The following FBXO31 variants were observed in gnomAD, a reference collection of about 807,000 sequenced individuals.
The protein encoded by FBXO31 is F-box protein 31.
Under a neutral mutation model 54.4 loss-of-function variants are expected in FBXO31, and 24 were observed. That is an observed-to-expected ratio of 0.44 (90% CI 0.32 to 0.62). The LOEUF (loss-of-function observed/expected upper bound fraction) is 0.62. FBXO31 is among the 20% of genes least tolerant of loss of function. FBXO31 has a pLI of 0.05. For synonymous variants in FBXO31, 388 were observed against 335.6 expected, an observed-to-expected ratio of 1.16 and a Z score of -1.71; for missense variants, 665 against 787.1, an observed-to-expected ratio of 0.84 and a Z score of 1.86.
chr16:87,382,672 C>G (rs752245715), intron 1 of FBXO31, among the ~76,000 whole-genome samples: 62 of 152,336 alleles, frequency 4.1e-4, no homozygotes, highest in Middle Eastern at 3.4e-3. Flanking sequence ...CACTCTGTCG[C>G]CTAGGGTGGA....
At chr16:87,384,581 G>C (rs969725749), upstream of FBXO31, among the ~76,000 whole-genome samples, 6 of 152,210 alleles carry the variant, frequency 3.9e-5, no homozygotes, top group African/African-American at 1.4e-4. Context: ...CCAGGTCCGC[G>C]GGTGGTGACC....
rs117349789 is a variant in FBXO31, at chr16:87,341,936, G to A, written c.732+941C>T. On this transcript the variant is annotated intron_variant, in intron 5 of 8. Coordinates refer to ENST00000311635, the MANE Select transcript of FBXO31 (RefSeq NM_024735.5). ...GCTAAGAAAAGCACACCCTGGCCGC[G>A]CGCGATGGCTCACACCTGCAATCCC... Among the ~76,000 whole-genome samples the A allele has an allele frequency of 2.3e-3, 351 of 152,122 alleles. 1 individual carries two copies. Among genetic ancestry groups the A allele is most frequent in the East Asian group, 0.013 (64 of 5,120 alleles).
At chr16:87,389,370 C>T (rs61365887) in intron 1 of FBXO31, among the ~76,000 whole-genome samples, 1 of 152,130 alleles carries the variant, frequency 6.6e-6, no homozygotes. Context: ...CGCAGAGTAA[C>T]CCTGGCCCAT....
intron 1 of FBXO31, among the ~76,000 whole-genome samples, chr16:87,377,974 C>G (rs111611648): frequency 6.6e-6 from 1 of 151,748 alleles, no homozygotes; most frequent in African/African-American, 2.4e-5. Flanking sequence ...CCTGACCAAC[C>G]TGGAGAAACC....
upstream of FBXO31, among the ~76,000 whole-genome samples, chr16:87,386,510 G>A (rs1423561515): frequency 1.3e-5 from 2 of 152,320 alleles, no homozygotes; most frequent in African/African-American, 4.8e-5. Context: ...TCAGCTCACT[G>A]CAGCCCCCGC....
intron 1 of FBXO31, among the ~76,000 whole-genome samples, chr16:87,366,705 G>A (rs945681785): frequency 2.6e-5 from 4 of 152,196 alleles, no homozygotes; most frequent in African/African-American, 9.7e-5. Context: ...TGATGAAAGA[G>A]CTCCAGCCAA....
rs534592434 is a variant in FBXO31, at chr16:87,343,413, C to T, written c.657+185G>A. Among the ~76,000 whole-genome samples the T allele has an allele frequency of 6.6e-5, 10 of 152,374 alleles. 1 individual carries two copies. Among genetic ancestry groups the T allele is most frequent in the South Asian group, 6.2e-4 (3 of 4,832 alleles). The stretch of plus-strand genomic sequence containing the variant: ...AATCAAGAGGGGTCCAGCAAGTGAC[C>T]GCTGCAGAGTCCACTGCGCCACGGA... On this transcript the variant is annotated intron_variant, in intron 4 of 8. Transcript: ENST00000311635.
At position 87,334,082 on chromosome 16, in the gene FBXO31, G is replaced by A; in HGVS notation, c.1201C>T (p.Gln401Ter). The change falls in exon 8 of 9, where the codon CAG becomes TAG. Residue 401 changes from glutamine to a stop codon, truncating the protein, a stop_gained. Coordinates refer to ENST00000311635, the MANE Select transcript of FBXO31 (RefSeq NM_024735.5). LOFTEE classifies it high-confidence loss of function. ...GRGRQGPRES[Q>*]PSPAQPRAEA... ...GCCCTGGGCTGGGCAGGGCTTGGCT[G>A]GGACTCCCGGGGGCCCTGCCGGCCA... 2 of 1,610,408 alleles carry A rather than the reference G, an allele frequency of 1.2e-6. No homozygotes were observed. Among genetic ancestry groups the A allele is most frequent in the Non-Finnish European group, 8.5e-7 (1 of 1,178,510 alleles).
chr16:87,341,939 C>T (rs567850366), intron 5 of FBXO31, among the ~76,000 whole-genome samples: 53 of 152,070 alleles, frequency 3.5e-4, no homozygotes, highest in Non-Finnish European at 5.6e-4. Flanking sequence ...TGGCCGCGCG[C>T]GATGGCTCAC....
intron 8 of FBXO31, among the ~76,000 whole-genome samples, chr16:87,333,057 T>A (rs895523253): frequency 1.3e-5 from 2 of 152,194 alleles, no homozygotes; most frequent in Non-Finnish European, 2.9e-5. Flanking sequence ...ATATTCAGTT[T>A]CAGTTCATTT....
intron 2 of FBXO31, among the ~76,000 whole-genome samples, chr16:87,354,495 TTGAC>T (rs1905809110): frequency 6.6e-6 from 1 of 151,230 alleles, no homozygotes; most frequent in Non-Finnish European, 1.5e-5. Context: ...AAAATGCACT[TTGAC>T]TGGCTTCACC....
At chr16:87,374,402 A>G (rs780611199) in intron 1 of FBXO31, among the ~76,000 whole-genome samples, 8 of 152,138 alleles carry the variant, frequency 5.3e-5, no homozygotes, top group Non-Finnish European at 8.8e-5. Context: ...AAATCGCTTT[A>G]TTGTATAATA....
intron 2 of FBXO31, among the ~76,000 whole-genome samples, 190 bp downstream of exon 2, chr16:87,360,105 G>C (rs1184929522): frequency 6.6e-6 from 1 of 152,186 alleles, no homozygotes; most frequent in African/African-American, 2.4e-5. Flanking sequence ...TGCCCAGAAT[G>C]GGAGAATACG....
intron 1 of FBXO31, among the ~76,000 whole-genome samples, chr16:87,370,707 T>TGGAGCAGAGTGAAGCCA (rs1906566001): frequency 6.6e-6 from 1 of 152,126 alleles, no homozygotes; most frequent in Non-Finnish European, 1.5e-5. Context: ...TCAGCCTCCC[T>TGGAGCAGAGTGAAGCCA]GGAGCAGAGT....
At chr16:87,356,302 T>C (rs1193220075) in intron 2 of FBXO31, among the ~76,000 whole-genome samples, 1 of 151,864 alleles carries the variant, frequency 6.6e-6, no homozygotes, top group Non-Finnish European at 1.5e-5. Flanking sequence ...GGAGAGACTG[T>C]TGTCAACGCT....
intron 2 of FBXO31, among the ~76,000 whole-genome samples, chr16:87,347,975 T>C (rs1009096187): frequency 7.2e-5 from 11 of 152,194 alleles, no homozygotes; most frequent in Non-Finnish European, 1.6e-4. Context: ...AACTTCTCCA[T>C]CCCGTTCCTT....
chr16:87,361,238 A>G (rs544922730), intron 1 of FBXO31, among the ~76,000 whole-genome samples: 1 of 152,342 alleles, frequency 6.6e-6, no homozygotes, highest in Admixed American at 6.5e-5. Context: ...GTCCCATAAG[A>G]GAGTCACCAC....
At chr16:87,357,917 A>C (rs74802607) in intron 2 of FBXO31, among the ~76,000 whole-genome samples, 1 of 138,126 alleles carries the variant, frequency 7.2e-6, no homozygotes, top group African/African-American at 3.0e-5. Context: ...ACTCTGCCTC[A>C]AAAAAAAAAA....
chr16:87,343,933 G>A (rs538668646), intron 3 of FBXO31, among the ~76,000 whole-genome samples, 168 bp from the exon 4 acceptor site: 20 of 152,364 alleles, frequency 1.3e-4, no homozygotes, highest in African/African-American at 4.6e-4. Context: ...CTATCTTCCA[G>A]CTCTGAGATG....
Sources: allele counts gnomAD v4.1 joint callset (sites outside exome capture counted in the v4.1 genomes callset), GRCh38; gene constraint gnomAD v4.1.1; transcripts MANE v1.5; gene names NCBI Gene and HGNC (gene_info 2026-07-23, HGNC 2026-07-21).